CNGB1: variants seen among roughly 807,000 people sequenced by gnomAD.
The protein encoded by CNGB1 is cyclic nucleotide gated channel subunit beta 1, also known as cyclic nucleotide-gated channel beta-1.
A neutral mutation model predicts 151.7 loss-of-function variants in CNGB1; 126 were observed. The ratio of observed to expected loss-of-function variants is 0.83; its 90% CI spans 0.72 to 0.96. CNGB1 has a LOEUF of 0.96. Ranked by LOEUF, CNGB1 falls within the 40% of genes least tolerant of loss-of-function variation. The probability of loss-of-function intolerance (pLI) is 0.00; values close to 1 mark genes in which losing one functional copy is unlikely to be tolerated. For synonymous variants in CNGB1, 623 were observed against 635.1 expected (o/e 0.98, Z 0.29); for missense variants, 1,698 against 1,627.0 (o/e 1.04, Z -0.75).
chr16:57,928,022 C>T (rs1961240855), intron 17 of CNGB1, among the ~76,000 whole-genome samples: 1 of 152,226 alleles, frequency 6.6e-6, no homozygotes, highest in Admixed American at 6.5e-5. Context: ...TGAGCAATTA[C>T]TCAGGAGCTC....
intron 1 of CNGB1, among the ~76,000 whole-genome samples, chr16:57,967,556 T>C (rs1024449715): frequency 2.0e-5 from 3 of 152,058 alleles, no homozygotes; most frequent in African/African-American, 7.2e-5. Flanking sequence ...ATTAGCCAGG[T>C]GTAGTGGCTC....
chr16:57,935,166 GAGCAGGCCCAGCTTCGAGCCTGC>G (rs1429343300), intron 16 of CNGB1, among the ~76,000 whole-genome samples: 18 of 151,950 alleles, frequency 1.2e-4, no homozygotes, highest in Non-Finnish European at 1.3e-4. Flanking sequence ...GTGGCTAACA[GAGCAGGCCCAGCTTCGAGCCTGC>G]AGCAGGCCCA....
rs1028371920 is a variant in CNGB1 at position 57,915,269 on chromosome 16, G to T, written c.2284C>A (p.Arg762Ser). 1.9e-6 allele frequency: 3 copies of T among 1,613,942 alleles called. No individual in the cohort carries two copies. In the East Asian group the frequency reaches 6.7e-5, roughly 36 times the overall value. Residue 762 changes from arginine (R) to serine (S), a missense_variant, in exon 23 of 33, where the codon CGC becomes AGC. Coordinates refer to ENST00000251102, the MANE Select transcript of CNGB1 (RefSeq NM_001297.5). ...YLKVGVNPLL[R>S]LPRCLKYMAF... ...CCTACCTTTAAACAGCGGGGCAGGC[G>T]GAGGAGGGGGTTCACACCGACTTTC...
chr16:57,901,810 G>A (rs1371396246), intron 27 of CNGB1, among the ~76,000 whole-genome samples, 185 bp from the exon 28 acceptor site: 1 of 152,182 alleles, frequency 6.6e-6, no homozygotes, highest in Non-Finnish European at 1.5e-5. Flanking sequence ...TCCTCTGCCA[G>A]GAGCACCCCT....
At chr16:57,955,104 G>T (rs1010436981) in intron 12 of CNGB1, 5 of 1,405,448 alleles carry the variant, frequency 3.6e-6, no homozygotes, top group African/African-American at 2.9e-5. Flanking sequence ...CCTAAATCTT[G>T]CAGGCTGCCC....
At chr16:57,968,588 A>G (rs998474716) in intron 1 of CNGB1, among the ~76,000 whole-genome samples, 17 of 125,552 alleles carry the variant, frequency 1.4e-4, no homozygotes, top group African/African-American at 2.7e-4. Flanking sequence ...TGACTATTAC[A>G]TGGTATCAAA....
chr16:57,939,362 G>T, intron 16 of CNGB1, 68 bp downstream of exon 16: 7 of 1,607,916 alleles, frequency 4.4e-6, no homozygotes, highest in Non-Finnish European at 5.1e-6. Context: ...CCTGCACGAA[G>T]GCTGCCTCCA....
At chr16:57,893,306 G>T (rs2149353883) in intron 31 of CNGB1, among the ~76,000 whole-genome samples, 1 of 152,226 alleles carries the variant, frequency 6.6e-6, no homozygotes, top group Admixed American at 6.5e-5. Flanking sequence ...ACCCAGGCTG[G>T]AGTGCAGTGG....
At chr16:57,931,081 A>C (rs1961333200) in intron 17 of CNGB1, among the ~76,000 whole-genome samples, 1 of 151,984 alleles carries the variant, frequency 6.6e-6, no homozygotes, top group South Asian at 2.1e-4. Context: ...AAATAAAATA[A>C]AATGTGGAGG....
chr16:57,964,589 C>G, intron 2 of CNGB1, 45 bp from the exon 3 acceptor site: 9 of 1,608,388 alleles, frequency 5.6e-6, no homozygotes, highest in Non-Finnish European at 7.7e-6. Flanking sequence ...GTGAGACCAG[C>G]CTGGTTTGGA....
intron 10 of CNGB1, 102 bp downstream of exon 10, chr16:57,959,786 C>T: frequency 7.3e-7 from 1 of 1,373,626 alleles, no homozygotes; most frequent in Non-Finnish European, 9.5e-7. Context: ...TGCACACATC[C>T]AGTTGAATTT....
rs776373031 is a variant in CNGB1, at chr16:57,940,214, G to C, written c.1209+20C>G. 1.3e-6 allele frequency: 2 copies of C among 1,553,648 alleles called. No individual in the cohort carries two copies. The highest frequency in any genetic ancestry group is 1.7e-6 in the Non-Finnish European group (2 of 1,147,102). Reference sequence around the variant, plus strand: ...GCCAAGCCAGGCCTCAGAGGTGCCAGTGCCTGGTGCTTCTCATACCTGATC... The same window carrying C: ...GCCAAGCCAGGCCTCAGAGGTGCCACTGCCTGGTGCTTCTCATACCTGATC... On this transcript the variant is annotated intron_variant, in intron 15 of 32. Transcript: ENST00000251102.
rs536490701 is a variant in CNGB1 at position 57,965,336 on chromosome 16, T to C, written c.160-792A>G. Among the ~76,000 whole-genome samples the C allele has an allele frequency of 3.3e-5, 5 of 152,268 alleles. No homozygotes were observed. In the South Asian group the frequency reaches 1.0e-3, roughly 32 times the overall value. On this transcript the variant is annotated intron_variant, in intron 2 of 32. Coordinates refer to ENST00000251102, the MANE Select transcript of CNGB1 (RefSeq NM_001297.5). ...ACATATGCATGCATGCCCCAACACA[T>C]ATATGTGCATACAGTCATATGCAAA...
At chr16:57,941,891 AC>A (rs1364286352) in intron 14 of CNGB1, among the ~76,000 whole-genome samples, 1 of 151,858 alleles carries the variant, frequency 6.6e-6, no homozygotes, top group African/African-American at 2.4e-5. Context: ...TTACTCTGTC[AC>A]CAAGGCTGGA....
chr16:57,964,463 C>T lies in CNGB1; in HGVS notation c.217+24G>A, dbSNP rs551244526. On this transcript the variant is annotated intron_variant, in intron 3 of 32. Coordinates refer to ENST00000251102, the MANE Select transcript of CNGB1 (RefSeq NM_001297.5). ...ATGCGGGCCCCCCTGCCATGCCAGCCTGGGCTTCAGCACTCGCACTCACCC... is the reference window on the plus strand; with the variant it reads ...ATGCGGGCCCCCCTGCCATGCCAGCTTGGGCTTCAGCACTCGCACTCACCC... 9 of 1,613,786 alleles carry T rather than the reference C, an allele frequency of 5.6e-6. No individual in the cohort carries two copies. In the African/African-American group the frequency reaches 6.7e-5, roughly 12 times the overall value.
chr16:57,939,054 T>C (rs1410040681), intron 16 of CNGB1, among the ~76,000 whole-genome samples: 6 of 152,092 alleles, frequency 3.9e-5, no homozygotes, highest in African/African-American at 1.2e-4. Flanking sequence ...TGCATCCTCA[T>C]TGAGCGGAAG....
Position 57,963,015 on chromosome 16 carries a change from T to A in CNGB1, c.340A>T (p.Ile114Phe). ...TWLMKGVEKVIPQPVHSITED... is the reference protein window; with the variant it reads ...TWLMKGVEKVFPQPVHSITED... ...GTGATGCTGTGAACAGGCTGCGGGA[T>A]CACCTTCTCTACGCCCTTCATGAGC... Residue 114 changes from isoleucine to phenylalanine, a missense_variant, in exon 5 of 33, where the codon ATC becomes TTC. Coordinates refer to ENST00000251102, the MANE Select transcript of CNGB1 (RefSeq NM_001297.5). The A allele has an allele frequency of 1.2e-6, 2 of 1,613,466 alleles. No individual in the cohort carries two copies.
intron 20 of CNGB1, among the ~76,000 whole-genome samples, chr16:57,918,541 TAGGAAAAGGCCAGCACGACCAG>T (rs1960942913): frequency 6.6e-6 from 1 of 152,324 alleles, no homozygotes; most frequent in East Asian, 1.9e-4. Flanking sequence ...GCAGGAGCTC[TAGGAAAAGGCCAGCACGACCAG>T]AGTGAAAAAG....
At position 57,903,988 on chromosome 16, in the gene CNGB1, GA is replaced by G. The variant is rs1478165117; in HGVS notation, c.2635-8del. The G allele has an allele frequency of 5.6e-6, 9 of 1,613,350 alleles. 1 individual carries two copies. Among genetic ancestry groups the G allele is most frequent in the East Asian group, 4.5e-5 (2 of 44,860 alleles). Reference sequence around the variant, plus strand: ...CCCCTACCACATCTCTCATCTGGGGGAAGGGTTATGGGAGGTCAAGGAAGCC... The same window carrying G: ...CCCCTACCACATCTCTCATCTGGGGGAGGGTTATGGGAGGTCAAGGAAGCC... On this transcript the variant is annotated splice_region_variant and splice_polypyrimidine_tract_variant and intron_variant, in intron 26 of 32. Transcript: ENST00000251102.
Sources: gnomAD v4.1 joint callset for allele counts (sites outside exome capture counted in the v4.1 genomes callset) on GRCh38, gnomAD v4.1.1 for gene constraint, MANE v1.5 for transcripts, NCBI Gene and HGNC (gene_info 2026-07-23, HGNC 2026-07-21) for gene names.